The following TBC1D12 variants were observed in gnomAD, a reference collection of about 807,000 sequenced individuals.
TBC1D12 encodes the protein TBC1 domain family member 12.
Under a neutral mutation model 86.7 loss-of-function variants are expected in TBC1D12, and 56 were observed. That is an observed-to-expected ratio of 0.65 (90% CI 0.52 to 0.81). TBC1D12 has a LOEUF of 0.81. TBC1D12 is among the 30% of genes least tolerant of loss of function. The probability of loss-of-function intolerance (pLI) is 0.00; values close to 1 mark genes in which losing one functional copy is unlikely to be tolerated. For missense variants in TBC1D12, 1,023 were observed against 1,038.8 expected (o/e 0.98, Z 0.21); for synonymous variants, 421 against 411.7 (o/e 1.02, Z -0.27).
rs182200598 is a variant in TBC1D12, at chr10:94,534,585, G to C, written c.*1489G>C. 1 of 152,308 alleles carries C rather than the reference G, an allele frequency of 6.6e-6. No individual in the cohort carries two copies. The highest frequency in any genetic ancestry group is 1.9e-4 in the East Asian group (1 of 5,188). The allele number at this position is 152,308 out of a possible 1,614,324, so 9.4% of individuals were successfully genotyped here. ...ATTTCCCTGCCAACTCTAGGAAGTA[G>C]TGCTGCATGATTGAATCATTATTTG... On this transcript the variant is annotated 3_prime_UTR_variant, in exon 13 of 13. Transcript: ENST00000225235.
chr10:94,507,339 A>G lies in TBC1D12; in HGVS notation c.1592A>G (p.Asp531Gly). 2.5e-6 allele frequency: 4 copies of G among 1,597,026 alleles called. No homozygotes were observed. Among genetic ancestry groups the G allele is most frequent in the Non-Finnish European group, 3.4e-6 (4 of 1,176,352 alleles). ...KSFSETSSEN[D>G]TEGVSVADRE... ...TTCAGTGAAACAAGTTCAGAGAATG[A>G]TACAGAAGGTGTGATTTCTTTTTTT... is the stretch of plus-strand genomic sequence containing the variant. The change falls in exon 7 of 13, where the codon GAT becomes GGT. Residue 531 changes from aspartate (D) to glycine (G), a missense_variant. Around this residue, in one of 2 missense-constraint regions of TBC1D12, gnomAD observed 395 missense variants for 507.7 expected, o/e 0.78. Coordinates refer to ENST00000225235, the MANE Select transcript of TBC1D12 (RefSeq NM_015188.2).
At chr10:94,407,276 C>A (rs1284913662) in intron 1 of TBC1D12, among the ~76,000 whole-genome samples, 2 of 152,210 alleles carry the variant, frequency 1.3e-5, no homozygotes, top group Non-Finnish European at 2.9e-5. Flanking sequence ...TCAGTCCCTA[C>A]TGGGGGCTTG....
chr10:94,434,938 G>T (rs1300201476), intron 1 of TBC1D12, among the ~76,000 whole-genome samples: 1 of 152,122 alleles, frequency 6.6e-6, no homozygotes, highest in African/African-American at 2.4e-5. Flanking sequence ...GTTGCATTGA[G>T]GATTAAGTTT....
chr10:94,518,019 G>T (rs1842044737), intron 9 of TBC1D12, among the ~76,000 whole-genome samples: 1 of 151,918 alleles, frequency 6.6e-6, no homozygotes, highest in South Asian at 2.1e-4. Context: ...CAGGTGTGGT[G>T]GCATAGGCCT....
chr10:94,435,518 A>G (rs1309678076), intron 1 of TBC1D12, among the ~76,000 whole-genome samples: 1 of 152,152 alleles, frequency 6.6e-6, no homozygotes, highest in Non-Finnish European at 1.5e-5. Context: ...CTCTTTCTGC[A>G]ATACCTTTTA....
intron 2 of TBC1D12, among the ~76,000 whole-genome samples, chr10:94,448,477 T>C (rs1040383804): frequency 3.3e-5 from 5 of 152,198 alleles, no homozygotes; most frequent in African/African-American, 1.2e-4. Flanking sequence ...GAAGTTATTC[T>C]TTAAAAATTT....
chr10:94,443,510 G>T (rs1225441173), intron 2 of TBC1D12, among the ~76,000 whole-genome samples: 1 of 152,192 alleles, frequency 6.6e-6, no homozygotes, highest in Non-Finnish European at 1.5e-5. Context: ...ACTTAAAACT[G>T]TGTGCTGTGA....
intron 1 of TBC1D12, among the ~76,000 whole-genome samples, chr10:94,426,633 G>A (rs1246043043): frequency 1.3e-5 from 2 of 152,148 alleles, no homozygotes; most frequent in African/African-American, 4.8e-5. Flanking sequence ...CTGGAGTGCA[G>A]TGGTAACGAT....
Position 94,402,640 on chromosome 10 carries a change from C to T in TBC1D12, c.27C>T (p.Ala9=), listed in dbSNP as rs2054781907. The change falls in exon 1 of 13, where the codon GCC becomes GCT. Residue 9 remains alanine (A), a synonymous_variant. Coordinates refer to ENST00000225235, the MANE Select transcript of TBC1D12 (RefSeq NM_015188.2). ...TGGTGGGTCCGGAGGATGCCGGAGC[C>T]TGCTCGGGAAGAAACCCCAAGTTGC... The part of the protein sequence containing the change: MVGPEDAG[A]CSGRNPKLLP... 1.2e-6 allele frequency: 2 copies of T among 1,611,726 alleles called. No homozygotes were observed. The highest frequency in any genetic ancestry group is 1.1e-5 in the South Asian group (1 of 90,948).
chr10:94,523,043 C>CAAAAAA (rs35912130), intron 11 of TBC1D12, among the ~76,000 whole-genome samples: 3 of 64,630 alleles, frequency 4.6e-5, no homozygotes, highest in Non-Finnish European at 5.8e-5. Context: ...GACTCCAGCT[C>CAAAAAA]AAAAAAAAAA....
At chr10:94,422,168 A>G (rs907142020) in intron 1 of TBC1D12, among the ~76,000 whole-genome samples, 2 of 147,160 alleles carry the variant, frequency 1.4e-5, no homozygotes, top group African/African-American at 5.0e-5. Context: ...TTTAGCTGAT[A>G]TCTTAGGGTT....
At chr10:94,439,132 CT>C (rs1399940124) in intron 1 of TBC1D12, among the ~76,000 whole-genome samples, 3 of 152,100 alleles carry the variant, frequency 2.0e-5, no homozygotes, top group African/African-American at 7.2e-5. Flanking sequence ...TCAACTTTTA[CT>C]TTGGTGGGGA....
chr10:94,458,726 T>C (rs1469740084), intron 2 of TBC1D12, among the ~76,000 whole-genome samples: 1 of 152,144 alleles, frequency 6.6e-6, no homozygotes, highest in Non-Finnish European at 1.5e-5. Context: ...TAGACCTTCA[T>C]GGTGAGTGTT....
Position 94,403,435 on chromosome 10 carries a change from C to A in TBC1D12, c.822C>A (p.Arg274=). ...TTTCTGACATTCACTTCAACTCTCG[C>A]AACACGTTCCAGGTGAGCCGCGGTC... ...LGFSDIHFNS[R]NTFQVSRGQS... The change falls in exon 1 of 13, where the codon CGC becomes CGA. Residue 274 remains arginine (R), a synonymous_variant. Coordinates refer to ENST00000225235, the MANE Select transcript of TBC1D12 (RefSeq NM_015188.2). 1 of 1,548,616 alleles carries A rather than the reference C, an allele frequency of 6.5e-7. No individual in the cohort carries two copies. Among genetic ancestry groups the A allele is most frequent in the Non-Finnish European group, 8.7e-7 (1 of 1,147,210 alleles).
chr10:94,441,094 C>T (rs1459828976), intron 1 of TBC1D12, among the ~76,000 whole-genome samples: 2 of 151,480 alleles, frequency 1.3e-5, no homozygotes, highest in Non-Finnish European at 2.9e-5. Flanking sequence ...GTGATCCGCC[C>T]GCCTCAACCT....
At position 94,402,989 on chromosome 10, in the gene TBC1D12, C is replaced by T. The variant is rs778074326; in HGVS notation, c.376C>T (p.Arg126Cys). ...CCGCGGCGCGGAGGTGGCTGATGGC[C>T]GCGCGCCGCGGCACGAAGGCATGAC... ...KHRGAEVADG[R>C]APRHEGMTNG... Residue 126 changes from arginine (R) to cysteine (C), a missense_variant, in exon 1 of 13, where the codon CGC becomes TGC. Physicochemically the swap from Arg to Cys is radical, Grantham distance 180. This residue lies in a region of TBC1D12 where 628 missense variants were observed against 531.1 expected (regional missense o/e 1.18). Coordinates refer to ENST00000225235, the MANE Select transcript of TBC1D12 (RefSeq NM_015188.2). The T allele has an allele frequency of 3.8e-6, 6 of 1,575,014 alleles. No homozygotes were observed. The African/African-American group carries it at 5.7e-5, about 15-fold the overall frequency.
chr10:94,405,162 G>A (rs774894957), intron 1 of TBC1D12, among the ~76,000 whole-genome samples: 10 of 149,648 alleles, frequency 6.7e-5, no homozygotes, highest in Middle Eastern at 6.9e-3. Context: ...TTCCCAACTT[G>A]TAAAACTTTC....
At chr10:94,507,491 T>C in intron 7 of TBC1D12, 144 bp downstream of exon 7, 2 of 769,636 alleles carry the variant, frequency 2.6e-6, no homozygotes, top group Non-Finnish European at 4.0e-6. Context: ...AAAGACTTGA[T>C]TTACAGAAAA....
chr10:94,459,374 T>G (rs1175636142), intron 2 of TBC1D12, among the ~76,000 whole-genome samples: 2 of 152,216 alleles, frequency 1.3e-5, no homozygotes, highest in Non-Finnish European at 2.9e-5. Context: ...TACAAACCTT[T>G]AGCTAGACAT....
Sources: allele counts gnomAD v4.1 joint callset (sites outside exome capture counted in the v4.1 genomes callset), GRCh38; gene constraint gnomAD v4.1.1; regional missense constraint gnomAD v4.1.1; transcripts MANE v1.5; gene names NCBI Gene and HGNC (gene_info 2026-07-23, HGNC 2026-07-21).